OSBPL1A: variants seen among roughly 807,000 people sequenced by gnomAD.
The protein encoded by OSBPL1A is oxysterol-binding protein-related protein 1.
A neutral mutation model predicts 137.1 loss-of-function variants in OSBPL1A; 80 were observed. That is an observed-to-expected ratio of 0.58 (90% CI 0.49 to 0.70). OSBPL1A has a LOEUF of 0.70. Among genes scored for constraint, OSBPL1A ranks in the 30% least tolerant of loss-of-function variants. OSBPL1A has a pLI of 0.00. For synonymous variants in OSBPL1A, 365 were observed against 389.7 expected (o/e 0.94, Z 0.75); for missense variants, 970 against 1,129.4 (o/e 0.86, Z 2.02).
intron 17 of OSBPL1A, among the ~76,000 whole-genome samples, chr18:24,202,849 A>G (rs746496700): frequency 6.6e-6 from 1 of 152,272 alleles, no homozygotes; most frequent in Non-Finnish European, 1.5e-5. Context: ...ATTTTTAGGA[A>G]TTCAAGTTCT....
chr18:24,233,846 TTCACAATGTTGGCCAG>T (rs1240362281), intron 16 of OSBPL1A, among the ~76,000 whole-genome samples: 1 of 152,162 alleles, frequency 6.6e-6, no homozygotes, highest in Non-Finnish European at 1.5e-5. Context: ...GAGGCAGGGT[TTCACAATGTTGGCCAG>T]GCTGGTCTCA....
At chr18:24,171,019 C>T (rs963857055) in intron 23 of OSBPL1A, among the ~76,000 whole-genome samples, 2 of 151,400 alleles carry the variant, frequency 1.3e-5, no homozygotes, top group South Asian at 2.1e-4. Flanking sequence ...ATGCTTGTTT[C>T]CTAGGTTATG....
At chr18:24,181,102 C>A in intron 19 of OSBPL1A, 43 bp downstream of exon 19, 1 of 1,591,502 alleles carries the variant, frequency 6.3e-7, no homozygotes, top group Non-Finnish European at 8.6e-7. Context: ...GGGTTGGTAG[C>A]AAGGTCTCTA....
chr18:24,169,866 G>C (rs1025901850), intron 24 of OSBPL1A, among the ~76,000 whole-genome samples: 4 of 152,220 alleles, frequency 2.6e-5, no homozygotes, highest in African/African-American at 7.2e-5. Context: ...GAGGAAAGCA[G>C]CCCAGGGATG....
rs979129552 is a variant in OSBPL1A at position 24,377,344 on chromosome 18, A to G, written c.121+69T>C. The G allele has an allele frequency of 3.4e-6, 5 of 1,488,994 alleles. No homozygotes were observed. The African/African-American group carries it at 7.1e-5, about 21-fold the overall frequency. 92.2% of individuals were successfully genotyped at this position (1,488,994 alleles called of 1,614,324 possible). Reference sequence around the variant, plus strand: ...AATTACATGATAGATAAGAAAGGTTAGCATTAAATAAATGCTAAGAGTAGT... The same window carrying G: ...AATTACATGATAGATAAGAAAGGTTGGCATTAAATAAATGCTAAGAGTAGT... On this transcript the variant is annotated intron_variant, in intron 2 of 27. Transcript: ENST00000319481.
intron 17 of OSBPL1A, among the ~76,000 whole-genome samples, chr18:24,224,602 GTTTAAATTTAACTAAA>G (rs2088005821): frequency 6.6e-6 from 1 of 152,162 alleles, no homozygotes; most frequent in Admixed American, 6.5e-5. Context: ...AAAAGTCTTT[GTTTAAATTTAACTAAA>G]TTGCATCAAC....
chr18:24,196,776 T>C (rs888631185), intron 17 of OSBPL1A, among the ~76,000 whole-genome samples: 2 of 152,198 alleles, frequency 1.3e-5, no homozygotes, highest in African/African-American at 4.8e-5. Context: ...CCAAGGAGAC[T>C]AACACTAACA....
chr18:24,226,366 T>G (rs980486572), intron 16 of OSBPL1A, among the ~76,000 whole-genome samples: 2 of 152,156 alleles, frequency 1.3e-5, no homozygotes, highest in Non-Finnish European at 2.9e-5. Flanking sequence ...GTATTTTGGC[T>G]CAAAACAGCA....
At chr18:24,289,439 T>TTTA (rs1491201592) in intron 14 of OSBPL1A, among the ~76,000 whole-genome samples, 5 of 136,290 alleles carry the variant, frequency 3.7e-5, no homozygotes, top group African/African-American at 1.3e-4. Flanking sequence ...TTTTTTTTTT[T>TTTA]GAGATGGAGT....
chr18:24,221,577 G>A (rs531864211), intron 17 of OSBPL1A, among the ~76,000 whole-genome samples: 8 of 152,088 alleles, frequency 5.3e-5, no homozygotes, highest in African/African-American at 1.2e-4. Flanking sequence ...TTTAAGTTTC[G>A]AACTTCCACA....
chr18:24,193,235 C>T (rs1365736105), intron 18 of OSBPL1A, among the ~76,000 whole-genome samples: 1 of 152,038 alleles, frequency 6.6e-6, no homozygotes, highest in East Asian at 1.9e-4. Context: ...GCCTGTAATC[C>T]CAGCACTTTT....
chr18:24,277,357 A>G (rs539872665), intron 15 of OSBPL1A, among the ~76,000 whole-genome samples: 2 of 152,354 alleles, frequency 1.3e-5, no homozygotes, highest in African/African-American at 2.4e-5. Flanking sequence ...AATGTGGAAC[A>G]TTTAGAATAA....
chr18:24,209,454 G>C (rs572077046), intron 17 of OSBPL1A, among the ~76,000 whole-genome samples: 4 of 152,258 alleles, frequency 2.6e-5, no homozygotes, highest in African/African-American at 9.6e-5. Flanking sequence ...GTGCAAAATG[G>C]TACATATTCA....
At chr18:24,337,404 C>CATAACATAACATAACATAACATAAT (rs1209462888) in intron 5 of OSBPL1A, among the ~76,000 whole-genome samples, 4 of 151,204 alleles carry the variant, frequency 2.6e-5, no homozygotes, top group Non-Finnish European at 5.9e-5. Context: ...CATAACATAA[C>CATAACATAACATAACATAACATAAT]ATAACATAAC....
chr18:24,303,745 A>G (rs1404795358), intron 13 of OSBPL1A, 27 bp from the exon 14 acceptor site: 1 of 1,567,920 alleles, frequency 6.4e-7, no homozygotes, highest in South Asian at 1.1e-5. Flanking sequence ...GACAAAATTA[A>G]AACAAAGTAA....
At chr18:24,335,050 T>A (rs1459039055) in intron 5 of OSBPL1A, among the ~76,000 whole-genome samples, 1 of 152,102 alleles carries the variant, frequency 6.6e-6, no homozygotes, top group African/African-American at 2.4e-5. Context: ...CCACCACACC[T>A]GGTGAATATT....
intron 18 of OSBPL1A, 98 bp from the exon 19 acceptor site, chr18:24,181,377 G>A: frequency 3.1e-6 from 4 of 1,297,720 alleles, no homozygotes; most frequent in Non-Finnish European, 4.2e-6. Flanking sequence ...GGACAGAACA[G>A]AAACTAGCAA....
intron 18 of OSBPL1A, among the ~76,000 whole-genome samples, chr18:24,181,565 G>C (rs941987002): frequency 2.0e-5 from 3 of 152,214 alleles, no homozygotes; most frequent in African/African-American, 7.2e-5. Context: ...CTCTTCATCA[G>C]TCTGCCTTAC....
In OSBPL1A at chr18:24,272,262, T is replaced by C. The variant is rs958613907; in HGVS notation, c.1281+8580A>G. 44 of 984,152 alleles carry C rather than the reference T, an allele frequency of 4.5e-5. 1 individual carries two copies. The highest frequency in any genetic ancestry group is 3.0e-4 in the African/African-American group (17 of 57,092). 61.0% of individuals were successfully genotyped at this position (984,152 alleles called of 1,614,324 possible). On this transcript the variant is annotated intron_variant, in intron 15 of 27. Coordinates refer to ENST00000319481, the MANE Select transcript of OSBPL1A (RefSeq NM_080597.4). ...TTTTTTTTTTTCTTTTTTCTTTTTT[T>C]TTTTTTTTAACCAACCCGCCCCTTG...
Sources: gnomAD v4.1 joint callset for allele counts (sites outside exome capture counted in the v4.1 genomes callset) on GRCh38, gnomAD v4.1.1 for gene constraint, MANE v1.5 for transcripts, NCBI Gene and HGNC (gene_info 2026-07-23, HGNC 2026-07-21) for gene names.